The following BABAM2 variants were observed in gnomAD, a reference collection of about 807,000 sequenced individuals.
BABAM2 encodes BRISC and BRCA1-A complex member 2.
Under a neutral mutation model 54.7 loss-of-function variants are expected in BABAM2, and 31 were observed. The observed-to-expected ratio is 0.57, with a 90% CI of 0.43 to 0.77. The LOEUF is 0.77. Among genes scored for constraint, BABAM2 ranks in the 30% least tolerant of loss-of-function variants. The pLI is 0.00. For synonymous variants in BABAM2, 167 were observed against 162.9 expected, an observed-to-expected ratio of 1.03 and a Z score of -0.19; for missense variants, 364 against 455.8, an observed-to-expected ratio of 0.80 and a Z score of 1.83.
chr2:28,276,720 T>C (rs929944032), intron 10 of BABAM2, among the ~76,000 whole-genome samples: 15 of 152,232 alleles, frequency 9.9e-5, no homozygotes, highest in Admixed American at 3.9e-4. Context: ...TATGTGTTCG[T>C]ATATATGAAA....
rs1402561446 is a variant in BABAM2 at position 28,304,111 on chromosome 2, A to C, written c.1088+5620A>C. Reference sequence around the variant, plus strand: ...GCTTTTATCACCCAGGCTGGAGTGCAATGGCATGATCTTGGCTCACCGCAA... The same window carrying C: ...GCTTTTATCACCCAGGCTGGAGTGCCATGGCATGATCTTGGCTCACCGCAA... On this transcript the variant is annotated intron_variant, in intron 11 of 11. Transcript: ENST00000379624. This position sits in a 1 kb window ranked among gnomAD's most constrained non-coding sequence, Gnocchi z 4.0. Among the ~76,000 whole-genome samples, 5 of 152,058 alleles carry C rather than the reference A, an allele frequency of 3.3e-5. No individual in the cohort carries two copies.
chr2:27,919,966 C>T (rs1236781902), intron 2 of BABAM2, among the ~76,000 whole-genome samples: 1 of 152,066 alleles, frequency 6.6e-6, no homozygotes, highest in African/African-American at 2.4e-5. Flanking sequence ...ATTTTTAAAA[C>T]ATTCTGGGCT....
Position 28,140,718 on chromosome 2 carries a change from A to G in BABAM2, c.680+11338A>G, listed in dbSNP as rs115076944. ...ATACATGTATATATGCACATATTGT[A>G]TATGTGCTGTAAGTATATGTGCATA... On this transcript the variant is annotated intron_variant, in intron 7 of 11. Transcript: ENST00000379624. 8.1e-3 allele frequency among the ~76,000 whole-genome samples: 1,231 copies of G among 152,248 alleles called. 12 individuals are homozygous for G. Among genetic ancestry groups the G allele is most frequent in the African/African-American group, 0.028 (1,169 of 41,548 alleles).
At chr2:27,966,583 G>A (rs547943617) in intron 3 of BABAM2, among the ~76,000 whole-genome samples, 1 of 152,180 alleles carries the variant, frequency 6.6e-6, no homozygotes, top group Non-Finnish European at 1.5e-5. Flanking sequence ...GATGTTTCAG[G>A]CTCATCTTGT....
intron 7 of BABAM2, among the ~76,000 whole-genome samples, chr2:28,214,842 A>G (rs1419101197): frequency 6.6e-6 from 1 of 151,668 alleles, no homozygotes; most frequent in East Asian, 1.9e-4. Context: ...GATAATGCTT[A>G]TGCAATTTGG....
intron 3 of BABAM2, among the ~76,000 whole-genome samples, chr2:27,980,673 A>G (rs1197522898): frequency 6.6e-6 from 1 of 152,132 alleles, no homozygotes; most frequent in East Asian, 1.9e-4. Flanking sequence ...AAATATTTAT[A>G]TAATGTTTTT....
chr2:28,255,045 G>T (rs1439105444), intron 10 of BABAM2, among the ~76,000 whole-genome samples: 1 of 151,816 alleles, frequency 6.6e-6, no homozygotes, highest in Non-Finnish European at 1.5e-5. Context: ...CCCAGATAAG[G>T]ATTTTTTAAA....
At position 28,126,843 on chromosome 2, in the gene BABAM2, T is replaced by C. The variant is rs954486375; in HGVS notation, c.571-2428T>C. On this transcript the variant is annotated intron_variant, in intron 6 of 11. Coordinates refer to ENST00000379624, the MANE Select transcript of BABAM2 (RefSeq NM_199191.3). ...TTTTTAATGATGCCATTCTAATTGG[T>C]GTGAGATGGTATCTCACTGTGGTTT... Among the ~76,000 whole-genome samples, 14 of 148,280 alleles carry C rather than the reference T, an allele frequency of 9.4e-5. 1 individual carries two copies. The Middle Eastern group carries it at 0.01, about 109-fold the overall frequency.
chr2:28,184,470 C>A (rs1676055125), intron 7 of BABAM2, among the ~76,000 whole-genome samples: 1 of 124,230 alleles, frequency 8.0e-6, no homozygotes, highest in Non-Finnish European at 1.7e-5. Flanking sequence ...TAATGCTATC[C>A]CTCCCCTCTC....
chr2:27,999,791 T>A (rs1354124384), intron 4 of BABAM2, among the ~76,000 whole-genome samples: 1 of 152,088 alleles, frequency 6.6e-6, no homozygotes, highest in Non-Finnish European at 1.5e-5. Flanking sequence ...TTCAGAGGAG[T>A]CAGACTTTTA....
intron 5 of BABAM2, among the ~76,000 whole-genome samples, chr2:28,035,239 T>G (rs1245994676): frequency 2.6e-5 from 4 of 152,166 alleles, no homozygotes; most frequent in Non-Finnish European, 5.9e-5. Context: ...ACATTTGTAC[T>G]TTGCATTATT....
chr2:28,269,743 C>T (rs55960107), intron 10 of BABAM2, among the ~76,000 whole-genome samples: 36,273 of 152,036 alleles, frequency 0.24, 5,496 homozygotes, highest in Non-Finnish European at 0.35. Flanking sequence ...GCTCCAGAGC[C>T]CATAAAAGGG....
chr2:28,169,061 A>T (rs1267844707), intron 7 of BABAM2, among the ~76,000 whole-genome samples: 1 of 152,150 alleles, frequency 6.6e-6, no homozygotes, highest in Non-Finnish European at 1.5e-5. Context: ...GACTTGGTTA[A>T]CTGTGTTCTA....
chr2:28,162,395 G>A (rs1172230539), intron 7 of BABAM2, among the ~76,000 whole-genome samples: 3 of 152,120 alleles, frequency 2.0e-5, no homozygotes, highest in Admixed American at 2.0e-4. Flanking sequence ...CTAAGTAGCT[G>A]GGTATTCTCT....
At chr2:28,336,208 A>G (rs1691451480) in intron 11 of BABAM2, among the ~76,000 whole-genome samples, 1 of 152,190 alleles carries the variant, frequency 6.6e-6, no homozygotes, top group African/African-American at 2.4e-5. Flanking sequence ...GACAGGAGCT[A>G]TGGGAGTCAC....
At chr2:28,320,072 A>G (rs530002942) in intron 11 of BABAM2, among the ~76,000 whole-genome samples, 1 of 152,316 alleles carries the variant, frequency 6.6e-6, no homozygotes, top group South Asian at 2.1e-4. Flanking sequence ...CCACCACTCA[A>G]TTCATGCTGG....
chr2:28,040,514 A>T (rs1161194846), intron 5 of BABAM2, among the ~76,000 whole-genome samples: 5 of 151,218 alleles, frequency 3.3e-5, no homozygotes, highest in Non-Finnish European at 7.4e-5. Context: ...TTTAGCCGGG[A>T]TGGTCTCGAT....
intron 3 of BABAM2, among the ~76,000 whole-genome samples, chr2:27,939,703 C>A (rs1383927691): frequency 1.3e-5 from 2 of 152,108 alleles, no homozygotes; most frequent in African/African-American, 2.4e-5. Flanking sequence ...CCTCTGCAAG[C>A]AGATTAATGA....
chr2:28,083,520 G>A (rs548896512), intron 6 of BABAM2, among the ~76,000 whole-genome samples: 74 of 152,234 alleles, frequency 4.9e-4, no homozygotes, highest in African/African-American at 1.8e-3. Flanking sequence ...CAGCACATTT[G>A]TTTTAATAAC....
Sources: gnomAD v4.1 joint callset for allele counts (sites outside exome capture counted in the v4.1 genomes callset) on GRCh38, gnomAD v4.1.1 for gene constraint, Gnocchi (gnomAD v3.1) non-coding constraint, MANE v1.5 for transcripts, NCBI Gene and HGNC (gene_info 2026-07-23, HGNC 2026-07-21) for gene names.